EIF2AK2: variants seen among roughly 807,000 people sequenced by gnomAD.
The protein encoded by EIF2AK2 is interferon-induced, double-stranded RNA-activated protein kinase.
EIF2AK2 carries 40 observed loss-of-function variants against 70.5 expected under a neutral mutation model. The ratio of observed to expected loss-of-function variants is 0.57; its 90% CI spans 0.44 to 0.74. The LOEUF is 0.74. Among genes scored for constraint, EIF2AK2 ranks in the 30% least tolerant of loss-of-function variants. EIF2AK2 has a pLI of 0.00. For synonymous variants in EIF2AK2, 198 were observed against 220.9 expected, an observed-to-expected ratio of 0.90 and a Z score of 0.92; for missense variants, 555 against 644.3, an observed-to-expected ratio of 0.86 and a Z score of 1.50.
chr2:37,123,453 A>G (rs1674624649), intron 11 of EIF2AK2, among the ~76,000 whole-genome samples: 1 of 151,890 alleles, frequency 6.6e-6, no homozygotes, highest in Non-Finnish European at 1.5e-5. Context: ...TTTTCTGTAG[A>G]GATGGGGTTT....
intron 1 of EIF2AK2, among the ~76,000 whole-genome samples, chr2:37,153,347 T>C (rs1455193103): frequency 6.9e-6 from 1 of 145,164 alleles, no homozygotes; most frequent in Non-Finnish European, 1.5e-5. Context: ...CTTTTTTTTT[T>C]TTTTTTTTTT....
At chr2:37,127,648 G>C (rs1315170147) in intron 10 of EIF2AK2, among the ~76,000 whole-genome samples, 1 of 151,518 alleles carries the variant, frequency 6.6e-6, no homozygotes, top group Non-Finnish European at 1.5e-5. Context: ...CCCCACAACT[G>C]TGACCCCAGA....
At chr2:37,129,944 G>A (rs549478389) in intron 10 of EIF2AK2, among the ~76,000 whole-genome samples, 3 of 152,156 alleles carry the variant, frequency 2.0e-5, no homozygotes, top group Admixed American at 1.3e-4. Context: ...AAATCCCATA[G>A]TATGGAACAC....
rs187864438 is a variant in EIF2AK2 at position 37,132,737 on chromosome 2, C to A, written c.785+2747G>T. On this transcript the variant is annotated intron_variant, in intron 10 of 16. Transcript: ENST00000233057. ...AGTTGAAAGCCATTTTCCATCAATG[C>A]TCTATTTGCCAGAAAGCTTCACCCC... is the stretch of plus-strand genomic sequence containing the variant. 2.0e-5 allele frequency among the ~76,000 whole-genome samples: 3 copies of A among 152,300 alleles called. No homozygotes were observed. The East Asian group carries it at 5.8e-4, about 29-fold the overall frequency.
At chr2:37,152,354 T>C (rs2148718349) in intron 1 of EIF2AK2, among the ~76,000 whole-genome samples, 1 of 152,232 alleles carries the variant, frequency 6.6e-6, no homozygotes, top group African/African-American at 2.4e-5. Context: ...TGATCTCAGC[T>C]CACTGCAGCA....
At chr2:37,122,109 G>A (rs751711413) in intron 12 of EIF2AK2, among the ~76,000 whole-genome samples, 7 of 152,136 alleles carry the variant, frequency 4.6e-5, no homozygotes, top group Non-Finnish European at 8.8e-5. Flanking sequence ...CCTAAGAGAG[G>A]GACAGAAAAG....
Position 37,102,725 on chromosome 2 carries a change from C to T in EIF2AK2, c.*4548G>A, listed in dbSNP as rs1263524469. ...CCACACCTAATTTTTGAACGAGGGC[C>T]GTACAGTTTCATTTTGCCCTTAGTC... On this transcript the variant is annotated 3_prime_UTR_variant, in exon 17 of 17. Transcript: ENST00000233057. The T allele has an allele frequency of 1.3e-5, 2 of 152,078 alleles. No homozygotes were observed. Among genetic ancestry groups the T allele is most frequent in the Non-Finnish European group, 2.9e-5 (2 of 68,026 alleles). The allele number at this position is 152,078 out of a possible 1,614,324, so 9.4% of individuals were successfully genotyped here. A position where few individuals can be genotyped will look rare whatever the true frequency, so the allele number is the denominator to read the frequency against.
intron 4 of EIF2AK2, among the ~76,000 whole-genome samples, chr2:37,143,417 G>T (rs1675410752): frequency 6.6e-6 from 1 of 151,998 alleles, no homozygotes; most frequent in Non-Finnish European, 1.5e-5. Flanking sequence ...ATGTATATTG[G>T]TTCTCCATTA....
At chr2:37,120,303 G>T (rs1345319646) in intron 12 of EIF2AK2, among the ~76,000 whole-genome samples, 164 bp from the exon 13 acceptor site, 2 of 150,132 alleles carry the variant, frequency 1.3e-5, no homozygotes, top group African/African-American at 4.9e-5. Context: ...GGATCACGAG[G>T]TCAGGAGATC....
At chr2:37,152,005 G>C (rs1041115300) in intron 1 of EIF2AK2, among the ~76,000 whole-genome samples, 4 of 152,258 alleles carry the variant, frequency 2.6e-5, no homozygotes, top group Non-Finnish European at 4.4e-5. Flanking sequence ...GGCGGAGCTT[G>C]CAGTGAGCTG....
At chr2:37,115,374 T>G (rs1347206556) in intron 13 of EIF2AK2, 1 of 153,256 alleles carries the variant, frequency 6.5e-6, no homozygotes, top group Non-Finnish European at 1.4e-5. Flanking sequence ...AAGTAAGGAT[T>G]TCTTAGCTGA....
At chr2:37,116,458 G>T (rs1674344610) in intron 13 of EIF2AK2, among the ~76,000 whole-genome samples, 1 of 152,126 alleles carries the variant, frequency 6.6e-6, no homozygotes, top group South Asian at 2.1e-4. Context: ...TTTTGAAAAG[G>T]CTGGACTTTT....
At chr2:37,153,426 G>A (rs539582800) in intron 1 of EIF2AK2, among the ~76,000 whole-genome samples, 55 of 142,364 alleles carry the variant, frequency 3.9e-4, no homozygotes, top group Middle Eastern at 4.2e-3. Flanking sequence ...CTGCAGCCTT[G>A]AACTCTGGGC....
At chr2:37,154,840 G>T (rs1471451747) in intron 1 of EIF2AK2, among the ~76,000 whole-genome samples, 1 of 152,076 alleles carries the variant, frequency 6.6e-6, no homozygotes, top group African/African-American at 2.4e-5. Flanking sequence ...GCGATTACAG[G>T]CATGAGCCAT....
Position 37,111,935 on chromosome 2 carries a change from C to CTA in EIF2AK2, c.1378-2641_1378-2640insTA, listed in dbSNP as rs1340326068. On this transcript the variant is annotated intron_variant, in intron 14 of 16. Transcript: ENST00000233057. ...TATCATAATAAATCTCTCTCTCTCT[C>CTA]TCTCTATATATATATATATATAGAT... 3.2e-3 allele frequency among the ~76,000 whole-genome samples: 424 copies of CTA among 132,786 alleles called. 3 individuals are homozygous for CTA. Among genetic ancestry groups the CTA allele is most frequent in the Middle Eastern group, 8.1e-3 (2 of 246 alleles). 87.1% of individuals were successfully genotyped at this position (132,786 alleles called of 152,430 possible). A position where few individuals can be genotyped will look rare whatever the true frequency, so the allele number is the denominator to read the frequency against.
At chr2:37,136,764 G>T in intron 9 of EIF2AK2, 1 of 354,138 alleles carries the variant, frequency 2.8e-6, no homozygotes, top group Non-Finnish European at 5.2e-6. Flanking sequence ...AATTACTCTA[G>T]CGATACCCCC....
At chr2:37,145,452 T>A (rs1360126446) in intron 4 of EIF2AK2, among the ~76,000 whole-genome samples, 1 of 152,146 alleles carries the variant, frequency 6.6e-6, no homozygotes, top group African/African-American at 2.4e-5. Context: ...CGCGTTTGTG[T>A]TTTAGGCTAA....
At position 37,105,636 on chromosome 2, in the gene EIF2AK2, GAAAC is replaced by G. The variant is rs926546352; in HGVS notation, c.*1633_*1636del. On this transcript the variant is annotated 3_prime_UTR_variant, in exon 17 of 17. Transcript: ENST00000233057. ...TTCAAGTATCCATTTAAACCAATAA[GAAAC>G]AAACTAAAACAATTGCCCTAAGTTG... The G allele has an allele frequency of 2.6e-5, 4 of 152,118 alleles. No homozygotes were observed. The highest frequency in any genetic ancestry group is 9.7e-5 in the African/African-American group (4 of 41,408). 9.4% of individuals were successfully genotyped at this position (152,118 alleles called of 1,614,324 possible). A position where few individuals can be genotyped will look rare whatever the true frequency, so the allele number is the denominator to read the frequency against.
Position 37,146,976 on chromosome 2 carries a change from G to C in EIF2AK2, c.120-3C>G, listed in dbSNP as rs762425247. ...CTATTATAACTTGAAATGTAAACCT[G>C]ATTACAAAGAGAATATTCATAAAAT... is the stretch of plus-strand genomic sequence containing the variant. On this transcript the variant is annotated splice_region_variant and splice_polypyrimidine_tract_variant and intron_variant, in intron 3 of 16. Transcript: ENST00000233057. 4 of 1,606,070 alleles carry C rather than the reference G, an allele frequency of 2.5e-6. No individual in the cohort carries two copies. In the South Asian group the frequency reaches 3.3e-5, roughly 13 times the overall value.
Sources: allele counts gnomAD v4.1 joint callset (sites outside exome capture counted in the v4.1 genomes callset), GRCh38; gene constraint gnomAD v4.1.1; transcripts MANE v1.5; gene names NCBI Gene and HGNC (gene_info 2026-07-23, HGNC 2026-07-21).